Variants in TPM1 observed in about 807,000 individuals in gnomAD.
The protein encoded by TPM1 is tropomyosin 1.
In TPM1, 24 loss-of-function variants were observed where a neutral mutation model predicts 42.9. The observed-to-expected ratio is 0.56, with a 90% CI of 0.41 to 0.79. TPM1 has a LOEUF of 0.79. TPM1 is among the 30% of genes least tolerant of loss of function. The probability of loss-of-function intolerance (pLI) is 0.00; values close to 1 mark genes in which losing one functional copy is unlikely to be tolerated. For missense variants in TPM1, 158 were observed against 351.8 expected (o/e 0.45, Z 4.41); for synonymous variants, 136 against 130.1 (o/e 1.05, Z -0.31).
chr15:63,063,882 A>T, intron 8 of TPM1, 182 bp from the exon 9 acceptor site: 14 of 709,020 alleles, frequency 2.0e-5, no homozygotes, highest in South Asian at 4.6e-5. Flanking sequence ...TTTTTGTTTC[A>T]ATTTACTTAA....
At chr15:63,063,561 A>G (rs975080015) in intron 8 of TPM1, among the ~76,000 whole-genome samples, 16 of 152,200 alleles carry the variant, frequency 1.1e-4, no homozygotes, top group African/African-American at 3.6e-4. Flanking sequence ...TGTGGTCAGG[A>G]AGTCAGTGGT....
intron 7 of TPM1, 103 bp downstream of exon 7, chr15:63,062,380 AG>A: frequency 1.5e-6 from 2 of 1,358,792 alleles, no homozygotes; most frequent in Non-Finnish European, 2.1e-6. Flanking sequence ...GATCCAAGTC[AG>A]GAATATTCAA....
At chr15:63,071,068 T>G, downstream of TPM1, 1 of 1,613,822 alleles carries the variant, frequency 6.2e-7, no homozygotes, top group East Asian at 2.2e-5. Context: ...ATTCATGACT[T>G]AATTTTCTAA....
chr15:63,055,633 G>C (rs1319658281), intron 2 of TPM1: 1 of 152,216 alleles, frequency 6.6e-6, no homozygotes, highest in East Asian at 1.9e-4. Flanking sequence ...GCTGTGTGTA[G>C]AGAAATTTGT....
At position 63,065,908 on chromosome 15, in the gene TPM1, G is replaced by GCTT. The variant is rs1229763468; in HGVS notation, c.*11_*13dup. On this transcript the variant is annotated 3_prime_UTR_variant, in exon 10 of 10. Coordinates refer to ENST00000403994, the MANE Select transcript of TPM1 (RefSeq NM_001018005.2). ...TATCTTCACGCAGATAAGTTTCTTTGCTTCACTTCTCCCAAGACTCCCTCG... is the reference window on the plus strand; with the variant it reads ...TATCTTCACGCAGATAAGTTTCTTTGCTTCTTCACTTCTCCCAAGACTCCCTCG... The GCTT allele has an allele frequency of 6.4e-7, 1 of 1,563,556 alleles. No homozygotes were observed. The highest frequency in any genetic ancestry group is 1.1e-5 in the South Asian group (1 of 87,726).
chr15:63,069,995 AG>A (rs751435902), downstream of TPM1: 2 of 1,612,580 alleles, frequency 1.2e-6, no homozygotes, highest in South Asian at 1.1e-5. Context: ...GCCCATGTGC[AG>A]AAAATCTAAG....
chr15:63,071,173 A>T, downstream of TPM1: 1 of 1,612,442 alleles, frequency 6.2e-7, no homozygotes, highest in African/African-American at 1.3e-5. Context: ...CAACATGTGA[A>T]AACCTCCTTA....
chr15:63,047,613 C>A (rs1166639923), intron 2 of TPM1: 3 of 152,308 alleles, frequency 2.0e-5, no homozygotes, highest in Admixed American at 6.5e-5. Flanking sequence ...AGAGAAGAGA[C>A]CATTTGGATG....
At chr15:63,066,235 A>G (rs897165882), downstream of TPM1, 1 of 1,232,516 alleles carries the variant, frequency 8.1e-7, no homozygotes, top group Admixed American at 4.0e-5. Flanking sequence ...ACTATACAGA[A>G]TTATATCAGG....
At chr15:63,043,552 C>A in intron 1 of TPM1, 2 of 1,255,398 alleles carry the variant, frequency 1.6e-6, no homozygotes, top group Non-Finnish European at 1.1e-6. Flanking sequence ...GCGGTTCCAG[C>A]TCGGGTAAAG....
chr15:63,065,749 C>T (rs2036207601), intron 9 of TPM1, 147 bp from the exon 10 acceptor site: 4 of 1,381,984 alleles, frequency 2.9e-6, no homozygotes, highest in African/African-American at 2.9e-5. Context: ...GATGTCCTTC[C>T]AAGGGTGTGG....
chr15:63,057,099 G>A lies in TPM1; in HGVS notation c.355G>A (p.Ala119Thr), dbSNP rs759173967. 14 of 1,614,098 alleles carry A rather than the reference G, an allele frequency of 8.7e-6. No homozygotes were observed. Among genetic ancestry groups the A allele is most frequent in the Non-Finnish European group, 1.7e-6 (2 of 1,180,040 alleles). The part of the protein sequence containing the change: ...ALQKLEEAEK[A>T]ADESERGMKV... ...GCAGAAGCTGGAGGAAGCTGAGAAG[G>A]CAGCAGATGAGAGTGAGAGGTGAGA... The change falls in exon 3 of 10, where the codon GCA becomes ACA. Residue 119 changes from alanine (A) to threonine (T), a missense_variant. By Grantham distance (58) the Ala-to-Thr change is moderately conservative. Around this residue, in one of 4 missense-constraint regions of TPM1, gnomAD observed 65 missense variants for 208.8 expected, o/e 0.31. Coordinates refer to ENST00000403994, the MANE Select transcript of TPM1 (RefSeq NM_001018005.2).
At chr15:63,063,862 G>T in intron 8 of TPM1, 1 of 623,094 alleles carries the variant, frequency 1.6e-6, no homozygotes, top group Admixed American at 3.2e-5. Context: ...AATGGGTTTT[G>T]TTCTCTTTGT....
intron 8 of TPM1, chr15:63,062,905 G>A (rs1254002437): frequency 2.7e-6 from 4 of 1,465,622 alleles, no homozygotes; most frequent in Non-Finnish European, 3.6e-6. Flanking sequence ...AGTGTGGCAG[G>A]TTTATTTTTC....
intron 9 of TPM1, chr15:63,064,977 A>G: frequency 3.2e-5 from 32 of 985,048 alleles, no homozygotes; most frequent in Non-Finnish European, 3.7e-5. Flanking sequence ...AAGAAAAAAA[A>G]GAATGGTAGA....
intron 4 of TPM1, 126 bp from the exon 5 acceptor site, chr15:63,060,743 A>G (rs2035498216): frequency 3.9e-6 from 4 of 1,032,336 alleles, no homozygotes; most frequent in Admixed American, 1.8e-5. Flanking sequence ...TCTACCAGAA[A>G]GAGGATCATA....
intron 2 of TPM1, 177 bp downstream of exon 2, chr15:63,044,329 T>G (rs1449812988): frequency 3.4e-6 from 3 of 871,432 alleles, no homozygotes; most frequent in African/African-American, 3.3e-5. Context: ...ACACATTCAT[T>G]TATATTTCAT....
downstream of TPM1, among the ~76,000 whole-genome samples, chr15:63,067,855 G>T (rs574449778): frequency 6.6e-6 from 1 of 152,168 alleles, no homozygotes; most frequent in African/African-American, 2.4e-5. Flanking sequence ...CCATAGAACC[G>T]GAAGGGAAAA....
chr15:63,059,454 C>G, intron 3 of TPM1, 109 bp from the exon 4 acceptor site: 1 of 780,078 alleles, frequency 1.3e-6, no homozygotes, highest in African/African-American at 1.7e-5. Context: ...GCTCTGTGCT[C>G]TATTTTGGTC....
Sources: allele counts gnomAD v4.1 joint callset (sites outside exome capture counted in the v4.1 genomes callset), GRCh38; gene constraint gnomAD v4.1.1; regional missense constraint gnomAD v4.1.1; transcripts MANE v1.5; gene names NCBI Gene and HGNC (gene_info 2026-07-23, HGNC 2026-07-21).